The following ELMO1 variants were observed in gnomAD, a reference collection of about 807,000 sequenced individuals.
ELMO1 encodes the protein engulfment and cell motility protein 1.
In ELMO1, 26 loss-of-function variants were observed where a neutral mutation model predicts 98.9. The observed-to-expected ratio is 0.26, with a 90% CI of 0.19 to 0.36. The LOEUF is 0.36. Among genes scored for constraint, ELMO1 ranks in the 10% least tolerant of loss-of-function variants. ELMO1 has a pLI of 1.00. For missense variants in ELMO1, 627 were observed against 935.2 expected, an observed-to-expected ratio of 0.67 and a Z score of 4.30; for synonymous variants, 346 against 346.0, an observed-to-expected ratio of 1.00 and a Z score of 0.00.
At chr7:36,974,167 G>A (rs547780439) in intron 16 of ELMO1, among the ~76,000 whole-genome samples, 76 of 152,362 alleles carry the variant, frequency 5.0e-4, no homozygotes, top group African/African-American at 1.5e-3. Context: ...CTGCAGCCCC[G>A]GTGTGGTATC....
chr7:36,932,957 C>G (rs910418144), intron 16 of ELMO1, among the ~76,000 whole-genome samples: 2 of 152,186 alleles, frequency 1.3e-5, no homozygotes, highest in African/African-American at 4.8e-5. Context: ...GGATGCCTTC[C>G]CAGGGCTGGT....
intron 5 of ELMO1, among the ~76,000 whole-genome samples, chr7:37,262,586 G>A (rs1262898739): frequency 1.3e-5 from 2 of 152,144 alleles, no homozygotes; most frequent in Non-Finnish European, 2.9e-5. Flanking sequence ...CTTGGTACCC[G>A]TATCTAAGGA....
At chr7:37,322,179 C>G (rs1372188785) in intron 2 of ELMO1, among the ~76,000 whole-genome samples, 2 of 151,690 alleles carry the variant, frequency 1.3e-5, no homozygotes, top group Non-Finnish European at 2.9e-5. Flanking sequence ...CTTCTGTACT[C>G]TATTGGAAAA....
At chr7:37,002,490 T>C (rs377381791) in intron 16 of ELMO1, among the ~76,000 whole-genome samples, 2 of 152,192 alleles carry the variant, frequency 1.3e-5, no homozygotes, top group East Asian at 3.8e-4. Flanking sequence ...AAGGACCATG[T>C]GGTGATTGTA....
At chr7:36,859,673 C>G (rs4723585) in intron 21 of ELMO1, among the ~76,000 whole-genome samples, 1 of 152,010 alleles carries the variant, frequency 6.6e-6, no homozygotes. Context: ...GCCTCATTTC[C>G]CTCTTTTAAA....
chr7:37,409,968 G>A (rs1176779128), intron 1 of ELMO1, among the ~76,000 whole-genome samples: 3 of 152,166 alleles, frequency 2.0e-5, no homozygotes, highest in Non-Finnish European at 4.4e-5. Context: ...TTGCAAGCAG[G>A]AAAACTGAAT....
intron 15 of ELMO1, among the ~76,000 whole-genome samples, chr7:37,016,470 G>A (rs750099467): frequency 6.6e-6 from 1 of 152,056 alleles, no homozygotes; most frequent in Non-Finnish European, 1.5e-5. Flanking sequence ...CCAGCAGCAG[G>A]CTTCCTCCTT....
chr7:37,364,296 GTGTATTCTGCCAAATA>G (rs1292281891), intron 1 of ELMO1, among the ~76,000 whole-genome samples: 6 of 152,322 alleles, frequency 3.9e-5, no homozygotes, highest in Non-Finnish European at 1.5e-5. Context: ...CCATGGTTGA[GTGTATTCTGCCAAATA>G]TGTATTCTGC....
At chr7:37,178,517 G>A (rs995135662) in intron 13 of ELMO1, among the ~76,000 whole-genome samples, 4 of 151,742 alleles carry the variant, frequency 2.6e-5, no homozygotes, top group African/African-American at 7.3e-5. Flanking sequence ...TGGGAGGATC[G>A]CCTGAGCCCA....
rs1318136695 is a variant in ELMO1 at position 37,165,664 on chromosome 7, G to T, written c.1087-32430C>A. Among the ~76,000 whole-genome samples the T allele has an allele frequency of 2.6e-5, 4 of 152,134 alleles. No individual in the cohort carries two copies. In the East Asian group the frequency reaches 7.7e-4, roughly 29 times the overall value. On this transcript the variant is annotated intron_variant, in intron 13 of 21. Transcript: ENST00000310758. ...TTATTGATTTGCGTATATTGAACCA[G>T]CCTCACATCCCAGGGATGAAGCCCA...
At chr7:37,322,944 C>A (rs1232393017) in intron 2 of ELMO1, among the ~76,000 whole-genome samples, 1 of 152,180 alleles carries the variant, frequency 6.6e-6, no homozygotes, top group Non-Finnish European at 1.5e-5. Flanking sequence ...CCTTCTCAGA[C>A]TCAACAGTGA....
intron 17 of ELMO1, among the ~76,000 whole-genome samples, chr7:36,888,703 C>A (rs1805262966): frequency 6.6e-6 from 1 of 152,242 alleles, no homozygotes; most frequent in African/African-American, 2.4e-5. Flanking sequence ...GCTTTGGTGA[C>A]ATTCTCTCCT....
Position 37,271,868 on chromosome 7 carries a change from T to A in ELMO1, c.207A>T (p.Ile69=), listed in dbSNP as rs1344333801. 3 of 1,614,056 alleles carry A rather than the reference T, an allele frequency of 1.9e-6. No homozygotes were observed. In the East Asian group the frequency reaches 6.7e-5, roughly 36 times the overall value. ...TTAATCGAAGGATAGTGCCATTTTT[T>A]ATCTCATTGCGGTTCTGGAAAAGAA... ...FYITEKNRNE[I]KNGTILRLTT... Residue 69 remains isoleucine, a synonymous_variant, in exon 5 of 22, where the codon ATA becomes ATT. Coordinates refer to ENST00000310758, the MANE Select transcript of ELMO1 (RefSeq NM_014800.11).
chr7:36,969,355 T>C (rs1052152542), intron 16 of ELMO1, among the ~76,000 whole-genome samples: 11 of 152,208 alleles, frequency 7.2e-5, no homozygotes, highest in Non-Finnish European at 1.2e-4. Context: ...TCAGTCCAGC[T>C]ATATTTTTAT....
chr7:37,184,887 G>A (rs1791103548), intron 13 of ELMO1, among the ~76,000 whole-genome samples: 1 of 151,610 alleles, frequency 6.6e-6, no homozygotes, highest in Admixed American at 6.6e-5. Flanking sequence ...CAAAAAGTGA[G>A]ACCCCGTCTC....
At chr7:37,287,759 T>G (rs1797468211) in intron 4 of ELMO1, among the ~76,000 whole-genome samples, 1 of 152,220 alleles carries the variant, frequency 6.6e-6, no homozygotes, top group Non-Finnish European at 1.5e-5. Flanking sequence ...GAAGACACTG[T>G]GATGCAGCCC....
intron 16 of ELMO1, among the ~76,000 whole-genome samples, chr7:36,944,028 T>G (rs1177426225): frequency 6.6e-6 from 1 of 151,904 alleles, no homozygotes; most frequent in African/African-American, 2.4e-5. Flanking sequence ...AGGTGGGGAG[T>G]ACCACAGGTG....
intron 17 of ELMO1, among the ~76,000 whole-genome samples, chr7:36,892,287 C>G (rs1488646358): frequency 6.6e-6 from 1 of 152,162 alleles, no homozygotes; most frequent in Non-Finnish European, 1.5e-5. Flanking sequence ...GTTGCTGTCC[C>G]TGTCTGCAAA....
intron 1 of ELMO1, among the ~76,000 whole-genome samples, chr7:37,362,196 T>A (rs1801726029): frequency 6.6e-6 from 1 of 151,344 alleles, no homozygotes; most frequent in South Asian, 2.1e-4. Flanking sequence ...GATTTTATTG[T>A]ACCTCAATAG....
Sources: allele counts gnomAD v4.1 joint callset (sites outside exome capture counted in the v4.1 genomes callset), GRCh38; gene constraint gnomAD v4.1.1; transcripts MANE v1.5; gene names NCBI Gene and HGNC (gene_info 2026-07-23, HGNC 2026-07-21).